The following VTI1A variants were observed in gnomAD, a reference collection of about 807,000 sequenced individuals.
The protein encoded by VTI1A is vesicle transport through interaction with t-SNAREs homolog 1A.
A neutral mutation model predicts 34.9 loss-of-function variants in VTI1A; 22 were observed. That is an observed-to-expected ratio of 0.63 (90% CI 0.45 to 0.90). The LOEUF is 0.90. Among genes scored for constraint, VTI1A ranks in the 40% least tolerant of loss-of-function variants. VTI1A has a pLI of 0.00. For missense variants in VTI1A, 268 were observed against 275.6 expected, an observed-to-expected ratio of 0.97 and a Z score of 0.20; for synonymous variants, 87 against 97.3, an observed-to-expected ratio of 0.89 and a Z score of 0.62.
At chr10:112,805,280 G>A (rs1251793160) in intron 7 of VTI1A, among the ~76,000 whole-genome samples, 2 of 151,902 alleles carry the variant, frequency 1.3e-5, no homozygotes, top group East Asian at 1.9e-4. Context: ...TTAAATGGTT[G>A]AAAAAAACTC....
At chr10:112,676,396 G>T (rs367815626) in intron 7 of VTI1A, among the ~76,000 whole-genome samples, 4 of 152,056 alleles carry the variant, frequency 2.6e-5, no homozygotes, top group Admixed American at 2.0e-4. Flanking sequence ...AGGGAGGGGG[G>T]GCTCCTAGTT....
At chr10:112,560,005 G>A (rs1455537619) in intron 5 of VTI1A, among the ~76,000 whole-genome samples, 1 of 152,202 alleles carries the variant, frequency 6.6e-6, no homozygotes, top group Non-Finnish European at 1.5e-5. Context: ...AGGCATCTGA[G>A]ATAGTAAAAG....
chr10:112,455,175 C>T (rs1180403653), intron 1 of VTI1A, among the ~76,000 whole-genome samples: 1 of 2,642 alleles, frequency 3.8e-4, no homozygotes, highest in African/African-American at 1.9e-3. Flanking sequence ...CCCCTCCTCC[C>T]CTCCCCTCCT....
At chr10:112,561,383 A>G (rs1167107597) in intron 5 of VTI1A, among the ~76,000 whole-genome samples, 1 of 152,202 alleles carries the variant, frequency 6.6e-6, no homozygotes, top group African/African-American at 2.4e-5. Flanking sequence ...TGCTTTATCA[A>G]TCATTGGAAT....
chr10:112,520,645 G>GTATATATA lies in VTI1A; in HGVS notation c.265-6441_265-6440insATATATAT, dbSNP rs1214811424. Among the ~76,000 whole-genome samples the GTATATATA allele has an allele frequency of 2.2e-3, 250 of 111,124 alleles. 1 individual carries two copies. The highest frequency in any genetic ancestry group is 7.4e-3 in the African/African-American group (247 of 33,294). The allele number at this position is 111,124 out of a possible 152,430, so 72.9% of individuals were successfully genotyped here. On this transcript the variant is annotated intron_variant, in intron 3 of 7. Transcript: ENST00000393077. The stretch of plus-strand genomic sequence containing the variant: ...TATGTGTGTGTGTGTGTGTGTGTGT[G>GTATATATA]TGTATATATATATATATATATATAT...
intron 5 of VTI1A, among the ~76,000 whole-genome samples, chr10:112,651,712 G>A (rs910942585): frequency 6.6e-6 from 1 of 152,206 alleles, no homozygotes; most frequent in African/African-American, 2.4e-5. Context: ...TTTTAGAACT[G>A]TGAGTATACA....
At chr10:112,855,049 A>G in the VTI1A span, among the ~76,000 whole-genome samples, 1 of 152,306 alleles carries the variant, frequency 6.6e-6, no homozygotes, top group South Asian at 2.1e-4. Flanking sequence ...TTGGGCTTAA[A>G]GTCCTTCCTG....
intron 4 of VTI1A, among the ~76,000 whole-genome samples, chr10:112,536,289 T>C (rs986052587): frequency 6.6e-6 from 1 of 152,200 alleles, no homozygotes; most frequent in Non-Finnish European, 1.5e-5. Flanking sequence ...ACAGATCTGA[T>C]TGATATCTTT....
At chr10:112,727,293 C>T (rs1850066206) in intron 7 of VTI1A, among the ~76,000 whole-genome samples, 1 of 152,138 alleles carries the variant, frequency 6.6e-6, no homozygotes, top group Non-Finnish European at 1.5e-5. Context: ...TTTCTCCACT[C>T]TATACTTCTA....
At chr10:112,475,647 T>G (rs1848252783) in intron 3 of VTI1A, among the ~76,000 whole-genome samples, 1 of 152,252 alleles carries the variant, frequency 6.6e-6, no homozygotes, top group Non-Finnish European at 1.5e-5. Context: ...TTTATAATCC[T>G]TCTTAAATGA....
In VTI1A at chr10:112,567,052, CAG is replaced by C. The variant is rs147770203; in HGVS notation, c.427+28725_427+28726del. Among the ~76,000 whole-genome samples, 1,065 of 152,156 alleles carry C rather than the reference CAG, an allele frequency of 7.0e-3. 15 individuals carry two copies. Among genetic ancestry groups the C allele is most frequent in the African/African-American group, 0.025 (1,030 of 41,510 alleles). ...GATGCTATAATGTAATTTATTTAGA[CAG>C]AGTATCATTTTGTTGCCCAGGCTGG... is the stretch of plus-strand genomic sequence containing the variant. On this transcript the variant is annotated intron_variant, in intron 5 of 7. Transcript: ENST00000393077.
chr10:112,455,673 T>C (rs939055240), intron 1 of VTI1A, among the ~76,000 whole-genome samples: 1 of 140,364 alleles, frequency 7.1e-6, no homozygotes, highest in Non-Finnish European at 1.5e-5. Context: ...CTCCCTTCCT[T>C]CCTTCCTTCC....
rs1366724901 is a variant in VTI1A, at chr10:112,531,061, CCTCA to C, written c.342+3899_342+3902del. Among the ~76,000 whole-genome samples the C allele has an allele frequency of 6.9e-3, 621 of 90,304 alleles. 8 individuals are homozygous for C. Among genetic ancestry groups the C allele is most frequent in the South Asian group, 0.02 (57 of 2,870 alleles). The allele number at this position is 90,304 out of a possible 152,430, so 59.2% of individuals were successfully genotyped here. ...GGTAGTTCTGGGGTCACGTGACACA[CCTCA>C]CACACACACACACACACACACACAC... On this transcript the variant is annotated intron_variant, in intron 4 of 7. Coordinates refer to ENST00000393077, the MANE Select transcript of VTI1A (RefSeq NM_145206.4).
At chr10:112,712,498 AC>A (rs1849458359) in intron 7 of VTI1A, among the ~76,000 whole-genome samples, 1 of 151,622 alleles carries the variant, frequency 6.6e-6, no homozygotes, top group East Asian at 1.9e-4. Flanking sequence ...ACACACACAC[AC>A]ACACACACAC....
the VTI1A span, among the ~76,000 whole-genome samples, chr10:112,837,306 G>A: frequency 6.6e-6 from 1 of 152,106 alleles, no homozygotes; most frequent in African/African-American, 2.4e-5. Context: ...CAGCCTAGGT[G>A]ACAGTGTGAG....
At chr10:112,617,982 T>TG (rs1845569270) in intron 5 of VTI1A, among the ~76,000 whole-genome samples, 1 of 152,012 alleles carries the variant, frequency 6.6e-6, no homozygotes, top group Admixed American at 6.6e-5. Flanking sequence ...GCTGAAACCC[T>TG]GTCTCTACTA....
At chr10:112,830,921 C>A in the VTI1A span, among the ~76,000 whole-genome samples, 6,741 of 144,884 alleles carry the variant, frequency 0.047, 229 homozygotes, top group African/African-American at 0.077. Context: ...ACGATCATGG[C>A]TCACAGCAGC....
At chr10:112,795,431 C>CTTTT (rs35159993) in intron 7 of VTI1A, among the ~76,000 whole-genome samples, 16 of 123,992 alleles carry the variant, frequency 1.3e-4, no homozygotes, top group Admixed American at 2.6e-4. Context: ...CCCTATTACT[C>CTTTT]TTTTTTTTTT....
chr10:112,584,886 A>G (rs938748398), intron 5 of VTI1A, among the ~76,000 whole-genome samples: 4 of 152,214 alleles, frequency 2.6e-5, no homozygotes, highest in African/African-American at 9.7e-5. Flanking sequence ...AAAATAGTAC[A>G]TTTAAATCTG....
Sources: allele counts gnomAD v4.1 joint callset (sites outside exome capture counted in the v4.1 genomes callset), GRCh38; gene constraint gnomAD v4.1.1; transcripts MANE v1.5; gene names NCBI Gene and HGNC (gene_info 2026-07-23, HGNC 2026-07-21).